The following MLX variants were observed in gnomAD, a reference collection of about 807,000 sequenced individuals.
MLX encodes the protein MAX dimerization protein MLX, also known as max-like protein X.
A neutral mutation model predicts 33.0 loss-of-function variants in MLX; 15 were observed. The observed-to-expected ratio is 0.45, with a 90% confidence interval of 0.30 to 0.70. The LOEUF (loss-of-function observed/expected upper bound fraction) is 0.70, where lower values mean the gene tolerates loss of function less well. Among genes scored for constraint, MLX ranks in the 30% least tolerant of loss-of-function variants. The pLI, the probability that MLX is intolerant of heterozygous loss-of-function variation, is 0.07. For synonymous variants in MLX, 115 were observed against 115.6 expected (o/e 0.99, Z 0.03); for missense variants, 285 against 306.3 (o/e 0.93, Z 0.52).
At chr17:42,570,433 T>C (rs2093026189) in intron 7 of MLX, among the ~76,000 whole-genome samples, 2 of 152,346 alleles carry the variant, frequency 1.3e-5, no homozygotes, top group South Asian at 2.1e-4. Context: ...CTAGCCCATG[T>C]TATCGCTGCC....
chr17:42,568,352 G>A, intron 2 of MLX, 118 bp from the exon 3 acceptor site: 2 of 667,340 alleles, frequency 3.0e-6, no homozygotes, highest in African/African-American at 1.9e-5. Flanking sequence ...GACTGAGCGA[G>A]ACTCTGTCTA....
rs1277249916 is a variant in MLX at position 42,573,049 on chromosome 17, T to A, written c.*1446T>A. 1 of 1,613,914 alleles carries A rather than the reference T, an allele frequency of 6.2e-7. No homozygotes were observed. Among genetic ancestry groups the A allele is most frequent in the Non-Finnish European group, 8.5e-7 (1 of 1,179,776 alleles). On this transcript the variant is annotated 3_prime_UTR_variant, in exon 8 of 8. Transcript: ENST00000435881. ...CCTGTGAGACAGGGAGACAAGTGAA[T>A]GAGATGTCACCAGGATAAGACCACA...
chr17:42,572,925 T>C lies in MLX; in HGVS notation c.*1322T>C, dbSNP rs1478913841. ...GTAGCCAGTGCAAGACATCTCACTC[T>C]TCTGACATCCTGCAGTCCCCACCAG... On this transcript the variant is annotated 3_prime_UTR_variant, in exon 8 of 8. Coordinates refer to ENST00000435881, the MANE Select transcript of MLX (RefSeq NM_198204.2). The C allele has an allele frequency of 6.2e-7, 1 of 1,605,012 alleles. No individual in the cohort carries two copies. The highest frequency in any genetic ancestry group is 1.7e-5 in the Admixed American group (1 of 60,010).
At chr17:42,570,447 G>A (rs1196280989) in intron 7 of MLX, among the ~76,000 whole-genome samples, 2 of 152,180 alleles carry the variant, frequency 1.3e-5, no homozygotes, top group African/African-American at 4.8e-5. Context: ...CGCTGCCCCT[G>A]TATGGAAGCC....
Position 42,572,456 on chromosome 17 carries a change from C to T in MLX, c.*853C>T, listed in dbSNP as rs1168845407. 2.2e-6 allele frequency: 1 copy of T among 454,586 alleles called. No homozygotes were observed. Among genetic ancestry groups the T allele is most frequent in the East Asian group, 6.9e-5 (1 of 14,538 alleles). 28.2% of individuals were successfully genotyped at this position (454,586 alleles called of 1,614,324 possible). A position where few individuals can be genotyped will look rare whatever the true frequency, so the allele number is the denominator to read the frequency against. On this transcript the variant is annotated 3_prime_UTR_variant, in exon 8 of 8. Coordinates refer to ENST00000435881, the MANE Select transcript of MLX (RefSeq NM_198204.2). ...TGTCTCAGTGTTGCCTGCATTTCTC[C>T]CAGGACTTGGGGGTGGGGTGAAAAG... is the stretch of plus-strand genomic sequence containing the variant.
chr17:42,567,557 G>A, intron 1 of MLX, 62 bp from the exon 2 acceptor site: 2 of 1,610,932 alleles, frequency 1.2e-6, no homozygotes, highest in Non-Finnish European at 1.7e-6. Flanking sequence ...GCCTGCAGTG[G>A]AAGGGGCGCC....
At chr17:42,567,710 A>C in intron 2 of MLX, 55 bp downstream of exon 2, 1 of 1,612,664 alleles carries the variant, frequency 6.2e-7, no homozygotes, top group Admixed American at 1.7e-5. Context: ...CAGGCTCTCT[A>C]GATTCTTGTG....
chr17:42,570,290 A>G, intron 7 of MLX, 107 bp downstream of exon 7: 4 of 1,098,390 alleles, frequency 3.6e-6, no homozygotes, highest in Non-Finnish European at 5.4e-6. Context: ...TTTAGATCTT[A>G]AGGGCGTTTC....
rs559253696 is a variant in MLX, at chr17:42,567,266, T to G, written c.42+100T>G. The G allele has an allele frequency of 6.7e-6, 9 of 1,334,866 alleles. No individual in the cohort carries two copies. The Admixed American group carries it at 1.0e-4, about 16-fold the overall frequency. The allele number at this position is 1,334,866 out of a possible 1,614,324, so 82.7% of individuals were successfully genotyped here. ...AGGGGCTTCCCTCCTGTCCCCAAAGTCCCCCACGCTCTCCGTGCCCCGGGG... is the reference window on the plus strand; with the variant it reads ...AGGGGCTTCCCTCCTGTCCCCAAAGGCCCCCACGCTCTCCGTGCCCCGGGG... On this transcript the variant is annotated intron_variant, in intron 1 of 7. Coordinates refer to ENST00000435881, the MANE Select transcript of MLX (RefSeq NM_198204.2).
intron 1 of MLX, 47 bp from the exon 2 acceptor site, chr17:42,567,572 C>T: frequency 1.9e-6 from 3 of 1,613,158 alleles, no homozygotes; most frequent in Non-Finnish European, 1.7e-6. Context: ...GGCGCCTCCC[C>T]CTAGGGGCGG....
intron 2 of MLX, 44 bp downstream of exon 2, chr17:42,567,699 CCAGGCT>C: frequency 1.9e-6 from 3 of 1,613,442 alleles, no homozygotes; most frequent in Non-Finnish European, 2.5e-6. Context: ...ACACTCCCGC[CCAGGCT>C]CTCTAGATTC....
At chr17:42,568,999 T>C (rs2093020453) in intron 4 of MLX, 56 bp downstream of exon 4, 8 of 1,536,820 alleles carry the variant, frequency 5.2e-6, no homozygotes, top group Non-Finnish European at 7.1e-6. Flanking sequence ...ATAGTTTAGC[T>C]TCCCTGTGCC....
At position 42,568,439 on chromosome 17, in the gene MLX, C is replaced by T. The variant is rs753692881; in HGVS notation, c.80-31C>T. 34 of 1,533,106 alleles carry T rather than the reference C, an allele frequency of 2.2e-5. No homozygotes were observed. In the East Asian group the frequency reaches 7.4e-4, roughly 33 times the overall value. The allele number at this position is 1,533,106 out of a possible 1,614,324, so 95.0% of individuals were successfully genotyped here. ...GGGTCTGGCAATGTTCCCCACCCCA[C>T]CCCTTAGTGATTGGGGCCTCTCTTT... On this transcript the variant is annotated intron_variant, in intron 2 of 7. Transcript: ENST00000435881.
intron 2 of MLX, 98 bp from the exon 3 acceptor site, chr17:42,568,370 AAT>A: frequency 3.1e-5 from 25 of 813,852 alleles, no homozygotes; most frequent in Non-Finnish European, 4.2e-5. Flanking sequence ...CTAAAAAAAA[AAT>A]AAATAAATAA....
Position 42,571,585 on chromosome 17 carries a change from GA to G in MLX, c.722del (p.Asn241ThrfsTer69), listed in dbSNP as rs2093033050. Reference sequence around the variant, plus strand: ...TTGTGATTGGCGTCCTGCACCAATTGAAAAACCAGCTTTACTGACCGGTTCT... The same window carrying G: ...TTGTGATTGGCGTCCTGCACCAATTGAAAACCAGCTTTACTGACCGGTTCT... The part of the protein sequence containing the change: ...EIVIGVLHQL[K>X]NQLY On this transcript the variant is annotated frameshift_variant, in exon 8 of 8. Coordinates refer to ENST00000435881, the MANE Select transcript of MLX (RefSeq NM_198204.2). LOFTEE classifies it high-confidence loss of function. 3 of 1,613,982 alleles carry G rather than the reference GA, an allele frequency of 1.9e-6. No individual in the cohort carries two copies. Among genetic ancestry groups the G allele is most frequent in the Non-Finnish European group, 2.5e-6 (3 of 1,180,004 alleles).
In MLX at chr17:42,571,566, T is replaced by G. The variant is rs762127321; in HGVS notation, c.698T>G (p.Ile233Ser). 4.5e-5 allele frequency: 72 copies of G among 1,614,230 alleles called. No individual in the cohort carries two copies. In the East Asian group the frequency reaches 1.5e-3, roughly 34 times the overall value. ...CGCCAGACCCTGCGGGAGATTGTGA[T>G]TGGCGTCCTGCACCAATTGAAAAAC... ...CKPQTLREIVIGVLHQLKNQL... is the reference protein window; with the variant it reads ...CKPQTLREIVSGVLHQLKNQL... Residue 233 changes from isoleucine (I) to serine (S), a missense_variant, in exon 8 of 8, where the codon ATT becomes AGT. Coordinates refer to ENST00000435881, the MANE Select transcript of MLX (RefSeq NM_198204.2).
Position 42,568,495 on chromosome 17 carries a change from G to A in MLX, c.105G>A (p.Lys35=). Residue 35 remains lysine (K), a synonymous_variant, in exon 3 of 8, where the codon AAG becomes AAA. Coordinates refer to ENST00000435881, the MANE Select transcript of MLX (RefSeq NM_198204.2). ...DPGLFVESTR[K]GSVVSRANSI... is the part of the protein sequence containing the mutation. ...GGCTTTTTGTAGAAAGCACCCGCAA[G>A]GGGAGTGTAGTGTCCAGAGCTAATA... is the stretch of plus-strand genomic sequence containing the variant. The A allele has an allele frequency of 6.2e-7, 1 of 1,613,938 alleles. No individual in the cohort carries two copies.
rs975554340 is a variant in MLX at position 42,568,576 on chromosome 17, C to T, written c.169+17C>T. The T allele has an allele frequency of 2.5e-6, 4 of 1,604,754 alleles. No individual in the cohort carries two copies. Among genetic ancestry groups the T allele is most frequent in the African/African-American group, 2.7e-5 (2 of 74,694 alleles). ...CCAACACAGGTAGGCAGTAACATCC[C>T]CCCCGACCTCGGGGGGCTCAGATAT... On this transcript the variant is annotated intron_variant, in intron 3 of 7. Coordinates refer to ENST00000435881, the MANE Select transcript of MLX (RefSeq NM_198204.2).
intron 1 of MLX, 110 bp from the exon 2 acceptor site, chr17:42,567,509 C>A: frequency 1.3e-6 from 2 of 1,564,764 alleles, no homozygotes; most frequent in Admixed American, 1.7e-5. Flanking sequence ...CGCAGGGTGA[C>A]AGAGGCGCCT....
Sources: gnomAD v4.1 joint callset for allele counts (sites outside exome capture counted in the v4.1 genomes callset) on GRCh38, gnomAD v4.1.1 for gene constraint, MANE v1.5 for transcripts, NCBI Gene and HGNC (gene_info 2026-07-23, HGNC 2026-07-21) for gene names.